Variants in CASK observed in about 807,000 individuals in gnomAD.
The protein encoded by CASK is calcium/calmodulin dependent serine protein kinase.
In CASK, 4 loss-of-function variants were observed where a neutral mutation model predicts 82.9. The observed-to-expected ratio is 0.05, with a 90% CI of 0.02 to 0.11. CASK has a LOEUF of 0.11. CASK is among the 10% of genes least tolerant of loss of function. The pLI is 1.00. For synonymous variants in CASK, 259 were observed against 253.5 expected (o/e 1.02, Z -0.20); for missense variants, 358 against 720.9 (o/e 0.50, Z 5.76).
intron 2 of CASK, among the ~76,000 whole-genome samples, chrX:41,810,182 A>G (rs931093334): frequency 1.7e-4 from 19 of 112,453 alleles, no homozygotes; most frequent in Admixed American, 6.6e-4. Flanking sequence ...ATTATCCAGG[A>G]GAACTTCCCC....
intron 25 of CASK, among the ~76,000 whole-genome samples, chrX:41,526,754 G>A (rs2064719400): frequency 8.9e-6 from 1 of 111,856 alleles, no homozygotes; most frequent in Admixed American, 9.5e-5. Flanking sequence ...TAGCCCTGTG[G>A]TTAGCATATT....
At chrX:41,571,978 T>G (rs1425951396) in intron 15 of CASK, among the ~76,000 whole-genome samples, 1 of 112,060 alleles carries the variant, frequency 8.9e-6, no homozygotes, top group East Asian at 2.8e-4. Flanking sequence ...GTTATTCATG[T>G]CTAATTTAAT....
intron 1 of CASK, among the ~76,000 whole-genome samples, chrX:41,879,542 C>T (rs2071907122): frequency 9.0e-6 from 1 of 111,302 alleles, no homozygotes; most frequent in African/African-American, 3.3e-5. Context: ...CGTAACAAAC[C>T]ATGGAAAGCA....
chrX:41,626,763 A>G, intron 9 of CASK, 60 bp from the exon 10 acceptor site: 1 of 721,766 alleles, frequency 1.4e-6, no homozygotes, highest in Non-Finnish European at 2.1e-6. Context: ...TAAATAAGTT[A>G]TTTAACAAAT....
At chrX:41,869,812 C>CAAAAAAAA (rs72190097) in intron 1 of CASK, among the ~76,000 whole-genome samples, 142 of 12,105 alleles carry the variant, frequency 0.012, 30 homozygotes, top group African/African-American at 0.06. Flanking sequence ...GACTCTGTCT[C>CAAAAAAAA]AAAAAAAAAA....
intron 12 of CASK, among the ~76,000 whole-genome samples, chrX:41,593,945 T>A (rs2065781436): frequency 9.0e-6 from 1 of 111,033 alleles, no homozygotes; most frequent in Admixed American, 9.6e-5. Context: ...CTAGGTAGAG[T>A]TTTGTCAAGG....
At chrX:41,898,076 T>C (rs780165795) in intron 1 of CASK, among the ~76,000 whole-genome samples, 1 of 111,687 alleles carries the variant, frequency 9.0e-6, no homozygotes, top group Admixed American at 9.5e-5. Flanking sequence ...TTTGACAGAA[T>C]TTGCCACTGA....
intron 5 of CASK, among the ~76,000 whole-genome samples, chrX:41,713,951 G>T (rs1464357129): frequency 9.0e-6 from 1 of 111,456 alleles, no homozygotes; most frequent in Non-Finnish European, 1.9e-5. Context: ...AGGAGAAATT[G>T]AAAAAATGAG....
At chrX:41,759,119 G>A (rs1171523686) in intron 3 of CASK, among the ~76,000 whole-genome samples, 5 of 111,660 alleles carry the variant, frequency 4.5e-5, no homozygotes, top group African/African-American at 1.6e-4. Context: ...AGTTTTAAAA[G>A]CTCTCTAAAG....
chrX:41,903,048 G>C (rs2072411634), intron 1 of CASK, among the ~76,000 whole-genome samples: 1 of 112,147 alleles, frequency 8.9e-6, no homozygotes, highest in Non-Finnish European at 1.9e-5. Context: ...CCCTGTTAGA[G>C]TCACCAACAC....
At chrX:41,696,637 G>A (rs1393417949) in intron 5 of CASK, 5 of 1,210,205 alleles carry the variant, frequency 4.1e-6, no homozygotes, top group Non-Finnish European at 3.4e-6. Context: ...AGTAACATTC[G>A]CAAAATAATG....
chrX:41,574,784 T>C, intron 15 of CASK, among the ~76,000 whole-genome samples: 1 of 111,899 alleles, frequency 8.9e-6, no homozygotes. Flanking sequence ...GTAGGGACTG[T>C]GTCTTTTATT....
At chrX:41,599,319 C>T (rs1373201770) in intron 12 of CASK, among the ~76,000 whole-genome samples, 1 of 111,909 alleles carries the variant, frequency 8.9e-6, no homozygotes, top group African/African-American at 3.2e-5. Context: ...GGGAATATAT[C>T]CTTACTTGAA....
At chrX:41,726,154 G>A (rs2068256850) in intron 5 of CASK, among the ~76,000 whole-genome samples, 2 of 112,025 alleles carry the variant, frequency 1.8e-5, no homozygotes, top group Admixed American at 1.9e-4. Flanking sequence ...TCGCTATGTT[G>A]TCCAGGGTGT....
At position 41,553,750 on chromosome X, in the gene CASK, C is replaced by T; in HGVS notation, c.2008G>A (p.Gly670Ser). The T allele has an allele frequency of 8.3e-7, 1 of 1,206,347 alleles. No homozygotes were observed. Among genetic ancestry groups the T allele is most frequent in the Non-Finnish European group, 1.1e-6 (1 of 891,092 alleles). The change falls in exon 21 of 27, where the codon GGT becomes AGT. Residue 670 changes from glycine (G) to serine (S), a missense_variant. By Grantham distance (56) the Gly-to-Ser change is moderately conservative (BLOSUM62 0). Coordinates refer to ENST00000378163, the MANE Select transcript of CASK (RefSeq NM_001367721.1). ...KLENSKNGTAGLIPSPELQEW... is the reference protein window; with the variant it reads ...KLENSKNGTASLIPSPELQEW... ...TGAAGTTCAGGAGAAGGAATGAGAC[C>T]TGCAGTTCCATTTTTGGAGTTTTCC...
At position 41,712,382 on chromosome X, in the gene CASK, TTGTC is replaced by T. The variant is rs369986720; in HGVS notation, c.429+26998_429+27001del. Among the ~76,000 whole-genome samples, 109 of 112,792 alleles carry T rather than the reference TTGTC, an allele frequency of 9.7e-4. 1 individual carries two copies. The highest frequency in any genetic ancestry group is 3.4e-3 in the African/African-American group (107 of 31,053). On this transcript the variant is annotated intron_variant, in intron 5 of 26. Transcript: ENST00000378163. ...TTAAAGGAGAATGCTAGGTTAGACT[TTGTC>T]TGTCTGAGCCCAGGCCACTAGCCTC...
chrX:41,522,022 C>T (rs763082654), intron 26 of CASK: 1 of 111,878 alleles, frequency 8.9e-6, no homozygotes, highest in East Asian at 2.8e-4. Flanking sequence ...CCCTGGGTGA[C>T]AGAGACAGAT....
intron 1 of CASK, among the ~76,000 whole-genome samples, chrX:41,896,522 A>G (rs1446675235): frequency 1.8e-5 from 2 of 112,438 alleles, no homozygotes; most frequent in African/African-American, 6.5e-5. Context: ...CAAAATCTTG[A>G]AGCTATATAC....
intron 3 of CASK, among the ~76,000 whole-genome samples, chrX:41,771,972 A>C (rs1270574239): frequency 8.9e-6 from 1 of 111,762 alleles, no homozygotes; most frequent in Non-Finnish European, 1.9e-5. Flanking sequence ...AAAAGGGAAA[A>C]AGCTCCCAGA....
Sources: gnomAD v4.1 joint callset for allele counts (sites outside exome capture counted in the v4.1 genomes callset) on GRCh38, gnomAD v4.1.1 for gene constraint, MANE v1.5 for transcripts, NCBI Gene and HGNC (gene_info 2026-07-23, HGNC 2026-07-21) for gene names.